The following ATIC variants were observed in gnomAD, a reference collection of about 807,000 sequenced individuals.
ATIC encodes the protein 5-aminoimidazole-4-carboxamide ribonucleotide formyltransferase/IMP cyclohydrolase, also known as bifunctional purine biosynthesis protein ATIC.
Under a neutral mutation model 72.5 loss-of-function variants are expected in ATIC, and 64 were observed. The ratio of observed to expected loss-of-function variants is 0.88; its 90% CI spans 0.72 to 1.09. The LOEUF (loss-of-function observed/expected upper bound fraction) is 1.09, where lower values mean the gene tolerates loss of function less well. Among genes scored for constraint, ATIC ranks in the 50% least tolerant of loss-of-function variants. The probability of loss-of-function intolerance (pLI) is 0.00; values close to 1 mark genes in which losing one functional copy is unlikely to be tolerated. For missense variants in ATIC, 787 were observed against 732.4 expected, an observed-to-expected ratio of 1.07 and a Z score of -0.86; for synonymous variants, 281 against 267.1, an observed-to-expected ratio of 1.05 and a Z score of -0.51.
chr2:215,361,692 T>A, the ATIC span: 1 of 1,243,632 alleles, frequency 8.0e-7, no homozygotes, highest in Non-Finnish European at 1.2e-6. Context: ...GAAAAAAAAA[T>A]GCGGGGAGGT....
At chr2:215,333,998 C>CTAT (rs2052926062) in intron 9 of ATIC, among the ~76,000 whole-genome samples, 1 of 150,642 alleles carries the variant, frequency 6.6e-6, no homozygotes, top group Admixed American at 6.6e-5. Context: ...GCCAAGATAG[C>CTAT]GCCAGTGCAC....
downstream of ATIC, among the ~76,000 whole-genome samples, chr2:215,350,354 C>T (rs937652894): frequency 6.6e-6 from 1 of 152,128 alleles, no homozygotes; most frequent in Non-Finnish European, 1.5e-5. Context: ...AGGCTGGTCT[C>T]GAACTCTTGA....
intron 8 of ATIC, 91 bp downstream of exon 8, chr2:215,332,598 A>C: frequency 6.7e-7 from 1 of 1,495,020 alleles, no homozygotes; most frequent in Non-Finnish European, 9.0e-7. Flanking sequence ...TAATGTGAAT[A>C]TAGACATGCT....
chr2:215,318,303 T>C, intron 3 of ATIC, 70 bp downstream of exon 3: 1 of 1,402,402 alleles, frequency 7.1e-7, no homozygotes, highest in Non-Finnish European at 1.0e-6. Flanking sequence ...GATAGCGTCC[T>C]AAAATAAAGG....
At chr2:215,318,090 T>A in intron 2 of ATIC, 67 bp from the exon 3 acceptor site, 1 of 1,384,008 alleles carries the variant, frequency 7.2e-7, no homozygotes, top group Non-Finnish European at 1.0e-6. Context: ...AAACAGTAGA[T>A]GCTTTGAATA....
chr2:215,355,759 G>T, the ATIC span, among the ~76,000 whole-genome samples: 1 of 152,192 alleles, frequency 6.6e-6, no homozygotes, highest in South Asian at 2.1e-4. Flanking sequence ...CACCAACCAG[G>T]TCAAGAAGGA....
the ATIC span, among the ~76,000 whole-genome samples, chr2:215,367,212 T>C: frequency 1.5e-4 from 23 of 152,192 alleles, no homozygotes; most frequent in Non-Finnish European, 2.6e-4. Context: ...CTAATCCTAA[T>C]CTCAAAGCAT....
the ATIC span, chr2:215,365,068 C>T: frequency 2.3e-6 from 2 of 884,362 alleles, no homozygotes; most frequent in Non-Finnish European, 3.6e-6. Flanking sequence ...CTATTTCTGT[C>T]CTAAATTTGT....
chr2:215,343,911 T>G (rs1489568235), intron 12 of ATIC, among the ~76,000 whole-genome samples: 1 of 152,220 alleles, frequency 6.6e-6, no homozygotes, highest in Non-Finnish European at 1.5e-5. Context: ...GATAGTGATA[T>G]TTTTGGGCGT....
At position 215,319,140 on chromosome 2, in the gene ATIC, A is replaced by G. The variant is rs550932711; in HGVS notation, c.224-525A>G. Among the ~76,000 whole-genome samples the G allele has an allele frequency of 9.4e-4, 143 of 152,250 alleles. 2 individuals are homozygous for G. The highest frequency in any genetic ancestry group is 3.4e-3 in the African/African-American group (141 of 41,544). ...AAGCGATCCCCCACCTTAGCCTCCC[A>G]AAGTGCTGGTATTACAGACATGAGC... On this transcript the variant is annotated intron_variant, in intron 3 of 15. Coordinates refer to ENST00000236959, the MANE Select transcript of ATIC (RefSeq NM_004044.7).
At chr2:215,336,473 A>C (rs913542150) in intron 11 of ATIC, among the ~76,000 whole-genome samples, 1 of 152,232 alleles carries the variant, frequency 6.6e-6, no homozygotes, top group African/African-American at 2.4e-5. Flanking sequence ...CAGTGTAGTA[A>C]GACCATGTCT....
At chr2:215,333,891 A>G (rs898305671) in intron 9 of ATIC, among the ~76,000 whole-genome samples, 66 of 151,656 alleles carry the variant, frequency 4.4e-4, no homozygotes, top group Admixed American at 8.5e-4. Flanking sequence ...AAATACAAAA[A>G]ATTAGCTGGG....
intron 2 of ATIC, among the ~76,000 whole-genome samples, chr2:215,315,795 A>G (rs1301250657): frequency 6.6e-6 from 1 of 151,930 alleles, no homozygotes; most frequent in Non-Finnish European, 1.5e-5. Context: ...TGCTAAAAAT[A>G]CAAAAAAGAA....
downstream of ATIC, among the ~76,000 whole-genome samples, chr2:215,351,899 T>G (rs1458569076): frequency 1.3e-5 from 2 of 152,164 alleles, no homozygotes; most frequent in South Asian, 4.1e-4. Flanking sequence ...TACCTCAAAA[T>G]AGGAGAATAG....
In ATIC at chr2:215,338,865, C is replaced by T. The variant is rs1349695082; in HGVS notation, c.1185C>T (p.Val395=). ...HLSQKRNNGV[V]DKSLFSNVVT... ...GCCAGAAGAGAAATAATGGTGTCGT[C>T]GACAAGTCATTATTTAGCAATGTTG... is the stretch of plus-strand genomic sequence containing the variant. Residue 395 remains valine, a synonymous_variant, in exon 12 of 16, where the codon GTC becomes GTT. Coordinates refer to ENST00000236959, the MANE Select transcript of ATIC (RefSeq NM_004044.7). The T allele has an allele frequency of 3.1e-5, 50 of 1,613,660 alleles. No individual in the cohort carries two copies. Among genetic ancestry groups the T allele is most frequent in the Non-Finnish European group, 4.2e-5 (50 of 1,179,818 alleles).
At chr2:215,354,782 G>C in the ATIC span, among the ~76,000 whole-genome samples, 1 of 150,734 alleles carries the variant, frequency 6.6e-6, no homozygotes, top group Non-Finnish European at 1.5e-5. Context: ...CTGTAATCTA[G>C]TATGTTACTA....
intron 14 of ATIC, chr2:215,347,665 A>C (rs776245340): frequency 3.5e-5 from 17 of 487,754 alleles, no homozygotes; most frequent in Non-Finnish European, 6.1e-5. Flanking sequence ...AGGCTGCAGA[A>C]TGTAACTGAA....
At chr2:215,364,734 T>C in the ATIC span, 2 of 690,204 alleles carry the variant, frequency 2.9e-6, no homozygotes, top group African/African-American at 1.8e-5. Context: ...TAGAGCTCTA[T>C]GTCAGCAGTT....
chr2:215,343,972 T>C (rs2053046108), intron 12 of ATIC, among the ~76,000 whole-genome samples: 1 of 152,222 alleles, frequency 6.6e-6, no homozygotes, highest in African/African-American at 2.4e-5. Context: ...TTTTGAACAG[T>C]TTCAACTTAA....
Sources: gnomAD v4.1 joint callset for allele counts (sites outside exome capture counted in the v4.1 genomes callset) on GRCh38, gnomAD v4.1.1 for gene constraint, MANE v1.5 for transcripts, NCBI Gene and HGNC (gene_info 2026-07-23, HGNC 2026-07-21) for gene names.